Variants in STIM1 observed in about 807,000 individuals in gnomAD.
STIM1 encodes the protein stromal interaction molecule 1.
In STIM1, 25 loss-of-function variants were observed where a neutral mutation model predicts 74.7. The ratio of observed to expected loss-of-function variants is 0.33; its 90% CI spans 0.24 to 0.47. STIM1 has a LOEUF of 0.47. Ranked by LOEUF, STIM1 falls within the 20% of genes least tolerant of loss-of-function variation. STIM1 has a pLI of 1.00. For synonymous variants in STIM1, 328 were observed against 348.8 expected (o/e 0.94, Z 0.66); for missense variants, 728 against 920.8 (o/e 0.79, Z 2.71).
chr11:3,941,990 A>G (rs2093016518), intron 1 of STIM1, among the ~76,000 whole-genome samples: 1 of 152,162 alleles, frequency 6.6e-6, no homozygotes, highest in South Asian at 2.1e-4. Context: ...CTGTCTGTAC[A>G]TATTTTTGAG....
chr11:4,043,752 C>T lies in STIM1; in HGVS notation c.386-11774C>T, dbSNP rs530247322. Among the ~76,000 whole-genome samples the T allele has an allele frequency of 5.3e-5, 8 of 152,144 alleles. No individual in the cohort carries two copies. The South Asian group carries it at 1.7e-3, about 32-fold the overall frequency. On this transcript the variant is annotated intron_variant, in intron 3 of 12. Coordinates refer to ENST00000526596, the MANE Select transcript of STIM1 (RefSeq NM_001382567.1). ...TTGGAGATGGCTGGGCGTGGTGGCT[C>T]ATGCTTGTAATCCCAGCACTTTGGG... is the stretch of plus-strand genomic sequence containing the variant.
At chr11:3,892,268 C>T in intron 1 of STIM1, 1 of 654,792 alleles carries the variant, frequency 1.5e-6, no homozygotes, top group Middle Eastern at 4.3e-4. Context: ...ACATGGAGCC[C>T]AAAGGGAACT....
intron 5 of STIM1, among the ~76,000 whole-genome samples, chr11:4,060,491 G>C (rs1028042419): frequency 8.5e-5 from 13 of 152,210 alleles, no homozygotes; most frequent in Admixed American, 7.9e-4. Flanking sequence ...ATGAAACAGA[G>C]CAACCTGGGA....
chr11:4,025,233 A>C (rs2093989413), intron 3 of STIM1, among the ~76,000 whole-genome samples: 1 of 152,188 alleles, frequency 6.6e-6, no homozygotes, highest in Non-Finnish European at 1.5e-5. Flanking sequence ...TTGAGATCTG[A>C]AAGGGATAAT....
chr11:3,896,055 C>T (rs1358925976), intron 1 of STIM1, among the ~76,000 whole-genome samples: 1 of 151,668 alleles, frequency 6.6e-6, no homozygotes, highest in African/African-American at 2.4e-5. Context: ...CAGGCGCCCA[C>T]CACCACACCC....
intron 2 of STIM1, among the ~76,000 whole-genome samples, chr11:4,017,044 C>T (rs1190330033): frequency 6.6e-6 from 1 of 152,218 alleles, no homozygotes; most frequent in Non-Finnish European, 1.5e-5. Flanking sequence ...AGGCAATGCC[C>T]CACCCTGCTT....
intron 1 of STIM1, among the ~76,000 whole-genome samples, chr11:3,880,089 C>T (rs1362207270): frequency 6.6e-6 from 1 of 152,176 alleles, no homozygotes; most frequent in African/African-American, 2.4e-5. Flanking sequence ...TGCAAGCAGT[C>T]AGGCCAGAGT....
chr11:3,929,032 C>T (rs1590574442), intron 1 of STIM1, among the ~76,000 whole-genome samples: 1 of 151,990 alleles, frequency 6.6e-6, no homozygotes, highest in Non-Finnish European at 1.5e-5. Context: ...TGCCACAACG[C>T]CCAGGACAGG....
At chr11:4,004,744 A>G (rs1315010159) in intron 2 of STIM1, among the ~76,000 whole-genome samples, 361 of 152,076 alleles carry the variant, frequency 2.4e-3, no homozygotes, top group African/African-American at 8.1e-3. Context: ...ATGGGATCTA[A>G]TTAAACTAAA....
At chr11:3,970,323 G>A (rs1013301297) in intron 2 of STIM1, among the ~76,000 whole-genome samples, 2 of 152,116 alleles carry the variant, frequency 1.3e-5, no homozygotes, top group African/African-American at 4.8e-5. Context: ...GGTTAGAGAG[G>A]CCTGCTGGTC....
At chr11:4,013,478 C>T (rs2093860650) in intron 2 of STIM1, among the ~76,000 whole-genome samples, 1 of 151,794 alleles carries the variant, frequency 6.6e-6, no homozygotes, top group South Asian at 2.1e-4. Flanking sequence ...AGGAATTTAT[C>T]CATTTCTTCT....
At chr11:4,043,167 T>C (rs1348605632) in intron 3 of STIM1, among the ~76,000 whole-genome samples, 4 of 152,228 alleles carry the variant, frequency 2.6e-5, no homozygotes, top group Non-Finnish European at 4.4e-5. Context: ...AAAAAATCAG[T>C]GTTCTAAAAT....
chr11:4,070,601 G>C (rs2094397425), intron 6 of STIM1, among the ~76,000 whole-genome samples: 1 of 152,078 alleles, frequency 6.6e-6, no homozygotes, highest in African/African-American at 2.4e-5. Context: ...CCTTCTTACT[G>C]TCCTTAGTTC....
chr11:3,995,025 C>T (rs927628682), intron 2 of STIM1, among the ~76,000 whole-genome samples: 1 of 151,972 alleles, frequency 6.6e-6, no homozygotes, highest in Non-Finnish European at 1.5e-5. Flanking sequence ...TCTTTATTGA[C>T]ATTCTTTATT....
At chr11:3,854,637 A>ACCT (rs2090295370), upstream of STIM1, 1 of 152,174 alleles carries the variant, frequency 6.6e-6, no homozygotes, top group Non-Finnish European at 1.5e-5. Flanking sequence ...AGTCGCTGAC[A>ACCT]CCTCCTCCAC....
intron 2 of STIM1, among the ~76,000 whole-genome samples, chr11:4,001,692 C>A (rs1035919648): frequency 1.8e-4 from 27 of 151,730 alleles, no homozygotes; most frequent in Admixed American, 1.1e-3. Context: ...TGAGCAAAAT[C>A]ACCAGCTAAC....
At chr11:4,086,371 A>G (rs2094493048) in intron 11 of STIM1, 106 bp from the exon 12 acceptor site, 2 of 1,324,538 alleles carry the variant, frequency 1.5e-6, no homozygotes, top group African/African-American at 1.5e-5. Context: ...GATTGGCATT[A>G]GAGGCCCAGG....
At chr11:3,856,600 T>C (rs1283394505) in intron 1 of STIM1, among the ~76,000 whole-genome samples, 191 bp downstream of exon 1, 3 of 152,252 alleles carry the variant, frequency 2.0e-5, no homozygotes, top group African/African-American at 7.2e-5. Context: ...GTATCTTTCC[T>C]GAACAACTTT....
intron 2 of STIM1, among the ~76,000 whole-genome samples, chr11:3,986,466 C>T (rs2093559055): frequency 6.6e-6 from 1 of 152,076 alleles, no homozygotes; most frequent in African/African-American, 2.4e-5. Flanking sequence ...GAAAGGCAGG[C>T]TGTAGCCAGA....
Sources: allele counts gnomAD v4.1 joint callset (sites outside exome capture counted in the v4.1 genomes callset), GRCh38; gene constraint gnomAD v4.1.1; transcripts MANE v1.5; gene names NCBI Gene and HGNC (gene_info 2026-07-23, HGNC 2026-07-21).